ADGRA3: variants seen among roughly 807,000 people sequenced by gnomAD.
ADGRA3 encodes adhesion G protein-coupled receptor A3.
ADGRA3 carries 56 observed loss-of-function variants against 119.8 expected under a neutral mutation model. That is an observed-to-expected ratio of 0.47 (90% CI 0.38 to 0.58). ADGRA3 has a LOEUF of 0.58. Among genes scored for constraint, ADGRA3 ranks in the 20% least tolerant of loss-of-function variants. The pLI is 0.00. For synonymous variants in ADGRA3, 607 were observed against 623.8 expected (o/e 0.97, Z 0.40); for missense variants, 1,516 against 1,649.0 (o/e 0.92, Z 1.40).
At chr4:22,415,881 C>G (rs1715408830) in intron 12 of ADGRA3, among the ~76,000 whole-genome samples, 1 of 151,996 alleles carries the variant, frequency 6.6e-6, no homozygotes, top group African/African-American at 2.4e-5. Flanking sequence ...GGACATATTA[C>G]TGGGTAACCA....
At chr4:22,399,495 C>CA (rs1553872480) in intron 16 of ADGRA3, among the ~76,000 whole-genome samples, 1 of 136,024 alleles carries the variant, frequency 7.4e-6, no homozygotes, top group Non-Finnish European at 1.6e-5. Flanking sequence ...CTAGAGTTGA[C>CA]TTTTTTTTTT....
At chr4:22,414,672 A>T in intron 12 of ADGRA3, 1 of 670,058 alleles carries the variant, frequency 1.5e-6, no homozygotes, top group South Asian at 1.6e-5. Flanking sequence ...AATGTTTAAT[A>T]CTAAGCCCAA....
chr4:22,488,582 G>C (rs1025149674), intron 1 of ADGRA3, among the ~76,000 whole-genome samples: 1 of 150,120 alleles, frequency 6.7e-6, no homozygotes, highest in Non-Finnish European at 1.5e-5. Flanking sequence ...GGGAGGCAGA[G>C]AAAAGCATGG....
intron 17 of ADGRA3, among the ~76,000 whole-genome samples, chr4:22,390,133 C>T (rs6855444): frequency 0.12 from 18,336 of 151,554 alleles, 3,372 homozygotes; most frequent in African/African-American, 0.4. Context: ...CCCCTTCTTC[C>T]TGCTGTACTA....
At chr4:22,428,974 G>C (rs1716051160) in intron 10 of ADGRA3, among the ~76,000 whole-genome samples, 1 of 152,066 alleles carries the variant, frequency 6.6e-6, no homozygotes. Context: ...GGGTGGAAGG[G>C]GAAAAGAGGT....
chr4:22,431,953 T>C (rs1716187684), intron 10 of ADGRA3, among the ~76,000 whole-genome samples: 1 of 152,134 alleles, frequency 6.6e-6, no homozygotes, highest in Non-Finnish European at 1.5e-5. Context: ...CAATTTGGTT[T>C]CATTACATAT....
intron 2 of ADGRA3, among the ~76,000 whole-genome samples, chr4:22,463,300 AC>A (rs1717537879): frequency 2.0e-5 from 3 of 152,162 alleles, no homozygotes; most frequent in Admixed American, 2.0e-4. Context: ...AGTAACCAGT[AC>A]CTCCAGGGTT....
At chr4:22,487,676 C>A (rs551667009) in intron 1 of ADGRA3, among the ~76,000 whole-genome samples, 1 of 152,186 alleles carries the variant, frequency 6.6e-6, no homozygotes, top group African/African-American at 2.4e-5. Context: ...AAGAGAGCCA[C>A]AGAGCAGGAC....
At chr4:22,490,543 C>G (rs1022214123) in intron 1 of ADGRA3, among the ~76,000 whole-genome samples, 2 of 151,794 alleles carry the variant, frequency 1.3e-5, no homozygotes, top group African/African-American at 4.8e-5. Flanking sequence ...CTATTGTGTC[C>G]TGGGAGTGAG....
intron 1 of ADGRA3, among the ~76,000 whole-genome samples, chr4:22,511,272 C>A (rs1172725902): frequency 2.0e-5 from 3 of 150,954 alleles, no homozygotes; most frequent in Non-Finnish European, 4.4e-5. Context: ...CACAGAAATA[C>A]AGTAAATAAG....
At chr4:22,402,991 C>G (rs1454292009) in intron 14 of ADGRA3, among the ~76,000 whole-genome samples, 192 bp from the exon 15 acceptor site, 4 of 152,130 alleles carry the variant, frequency 2.6e-5, no homozygotes, top group African/African-American at 9.7e-5. Context: ...ATGGTGTTAA[C>G]TGCTTACGGC....
intron 1 of ADGRA3, among the ~76,000 whole-genome samples, chr4:22,481,667 G>C (rs1718264886): frequency 6.6e-6 from 1 of 152,198 alleles, no homozygotes; most frequent in African/African-American, 2.4e-5. Context: ...TCTTTCAGAA[G>C]ATACCTCCTA....
intron 12 of ADGRA3, 102 bp downstream of exon 12, chr4:22,420,783 GC>G (rs1715630267): frequency 1.8e-6 from 2 of 1,138,100 alleles, no homozygotes; most frequent in African/African-American, 3.1e-5. Flanking sequence ...CTATCTTCCT[GC>G]AAAAAAAAAA....
At chr4:22,456,682 CCT>C (rs923158538) in intron 3 of ADGRA3, among the ~76,000 whole-genome samples, 1 of 152,048 alleles carries the variant, frequency 6.6e-6, no homozygotes, top group Admixed American at 6.5e-5. Context: ...TATTGTGGGA[CCT>C]CTCTCCCTCT....
chr4:22,449,318 A>G, intron 4 of ADGRA3, among the ~76,000 whole-genome samples: 1 of 152,020 alleles, frequency 6.6e-6, no homozygotes, highest in Non-Finnish European at 1.5e-5. Context: ...TGCAATTACA[A>G]TCAACAACTG....
intron 6 of ADGRA3, 106 bp downstream of exon 6, chr4:22,444,867 T>TA: frequency 2.7e-6 from 3 of 1,094,458 alleles, no homozygotes; most frequent in Non-Finnish European, 4.1e-6. Context: ...ACTGGCTGCA[T>TA]ACTAGTTCTG....
chr4:22,421,244 T>TA lies in ADGRA3; in HGVS notation c.1606-156dup, dbSNP rs759171365. On this transcript the variant is annotated intron_variant, in intron 11 of 18. Transcript: ENST00000334304. ...ATCACTGTGTAGATAACTGGCAGAA[T>TA]AAAAAAAAAAAAAGAAAGACAGACC... Among the ~76,000 whole-genome samples, 647 of 89,552 alleles carry TA rather than the reference T, an allele frequency of 7.2e-3. 4 individuals are homozygous for TA. Among genetic ancestry groups the TA allele is most frequent in the African/African-American group, 0.019 (433 of 23,404 alleles). 58.7% of individuals were successfully genotyped at this position (89,552 alleles called of 152,430 possible).
intron 15 of ADGRA3, 92 bp from the exon 16 acceptor site, chr4:22,401,646 A>G (rs1321334265): frequency 4.5e-6 from 4 of 898,512 alleles, no homozygotes; most frequent in Non-Finnish European, 5.0e-6. Flanking sequence ...CATCAAAGGT[A>G]AAAGTTAAAT....
chr4:22,406,774 T>C (rs1714949137), intron 14 of ADGRA3, among the ~76,000 whole-genome samples: 1 of 151,986 alleles, frequency 6.6e-6, no homozygotes, highest in Non-Finnish European at 1.5e-5. Context: ...AAAAGCATAG[T>C]ATAAAGGGCC....
Sources: gnomAD v4.1 joint callset for allele counts (sites outside exome capture counted in the v4.1 genomes callset) on GRCh38, gnomAD v4.1.1 for gene constraint, MANE v1.5 for transcripts, NCBI Gene and HGNC (gene_info 2026-07-23, HGNC 2026-07-21) for gene names.